The following PPM1L variants were observed in gnomAD, a reference collection of about 807,000 sequenced individuals.
The protein encoded by PPM1L is protein phosphatase 1L.
PPM1L carries 13 observed loss-of-function variants against 31.4 expected under a neutral mutation model. That is an observed-to-expected ratio of 0.41 (90% CI 0.27 to 0.66). The LOEUF is 0.66. Ranked by LOEUF, PPM1L falls within the 30% of genes least tolerant of loss-of-function variation. The pLI is 0.29. For missense variants in PPM1L, 326 were observed against 453.7 expected, an observed-to-expected ratio of 0.72 and a Z score of 2.56; for synonymous variants, 184 against 175.4, an observed-to-expected ratio of 1.05 and a Z score of -0.39.
At position 161,031,238 on chromosome 3, in the gene PPM1L, C is replaced by T. The variant is rs16831789; in HGVS notation, c.575-34165C>T. Among the ~76,000 whole-genome samples, 1,412 of 152,246 alleles carry T rather than the reference C, an allele frequency of 9.3e-3. 22 individuals carry two copies. Among genetic ancestry groups the T allele is most frequent in the African/African-American group, 0.032 (1,344 of 41,532 alleles). ...AGAAAATTCATGAAGATACCACAGG[C>T]GCAAGCTGGAAAGTAGTGGTTATGG... On this transcript the variant is annotated intron_variant, in intron 2 of 3. Transcript: ENST00000498165.
intron 1 of PPM1L, among the ~76,000 whole-genome samples, chr3:160,944,716 TATGTTATATATAAC>T (rs916138181): frequency 3.3e-5 from 4 of 121,920 alleles, no homozygotes; most frequent in East Asian, 4.0e-4. Context: ...ATATAATATA[TATGTTATATATAAC>T]ATGTTATATA....
intron 2 of PPM1L, among the ~76,000 whole-genome samples, chr3:161,015,993 C>A (rs79266922): frequency 6.6e-6 from 1 of 152,092 alleles, no homozygotes; most frequent in Non-Finnish European, 1.5e-5. Flanking sequence ...AGAGATGTGG[C>A]CTGGGTGTTC....
intron 2 of PPM1L, among the ~76,000 whole-genome samples, chr3:160,967,030 T>C (rs1001269239): frequency 3.3e-5 from 5 of 152,080 alleles, no homozygotes; most frequent in African/African-American, 4.8e-5. Flanking sequence ...TCCCCATGTG[T>C]CATAGGAGGG....
At chr3:160,981,734 T>G (rs1716806262) in intron 2 of PPM1L, among the ~76,000 whole-genome samples, 1 of 141,322 alleles carries the variant, frequency 7.1e-6, no homozygotes, top group Admixed American at 6.9e-5. Flanking sequence ...CCTTCTCATT[T>G]TATTTATTTA....
intron 2 of PPM1L, among the ~76,000 whole-genome samples, chr3:160,984,688 C>G (rs1446991010): frequency 6.6e-6 from 1 of 152,172 alleles, no homozygotes; most frequent in Non-Finnish European, 1.5e-5. Context: ...CTTCCTGCAA[C>G]AGGTCTTACT....
chr3:160,924,103 G>A (rs958278214), intron 1 of PPM1L, among the ~76,000 whole-genome samples: 1 of 152,164 alleles, frequency 6.6e-6, no homozygotes, highest in Non-Finnish European at 1.5e-5. Context: ...GTTTCTGTTT[G>A]TTTTAGAAAA....
At chr3:161,049,380 G>A (rs1176069861) in intron 2 of PPM1L, among the ~76,000 whole-genome samples, 1 of 152,120 alleles carries the variant, frequency 6.6e-6, no homozygotes, top group East Asian at 1.9e-4. Flanking sequence ...ATGCTCATTC[G>A]AGCATTTTGG....
intron 1 of PPM1L, among the ~76,000 whole-genome samples, chr3:160,887,715 G>T (rs1473773179): frequency 6.6e-6 from 1 of 151,776 alleles, no homozygotes; most frequent in African/African-American, 2.4e-5. Context: ...CTAGTAGCTG[G>T]GACTATAGGC....
chr3:160,822,251 G>T (rs902538160), intron 1 of PPM1L, among the ~76,000 whole-genome samples: 5 of 151,576 alleles, frequency 3.3e-5, no homozygotes, highest in Admixed American at 2.0e-4. Context: ...AATATTCTTT[G>T]TATGAAGAAA....
chr3:161,017,593 C>T lies in PPM1L; in HGVS notation c.575-47810C>T, dbSNP rs74481540. Reference sequence around the variant, plus strand: ...TTATGCCTATTGTATTACAATTTTTCTAAGCCCAGAATTGTCGTGGGAGGT... The same window carrying T: ...TTATGCCTATTGTATTACAATTTTTTTAAGCCCAGAATTGTCGTGGGAGGT... On this transcript the variant is annotated intron_variant, in intron 2 of 3. Coordinates refer to ENST00000498165, the MANE Select transcript of PPM1L (RefSeq NM_139245.4). Among the ~76,000 whole-genome samples, 58 of 152,274 alleles carry T rather than the reference C, an allele frequency of 3.8e-4. 1 individual carries two copies. In the South Asian group the frequency reaches 0.01, roughly 27 times the overall value.
At chr3:161,010,169 C>T (rs948352302) in intron 2 of PPM1L, among the ~76,000 whole-genome samples, 3 of 151,892 alleles carry the variant, frequency 2.0e-5, no homozygotes, top group African/African-American at 4.8e-5. Flanking sequence ...CACCCCATGA[C>T]AGGCCCCAAT....
intron 2 of PPM1L, among the ~76,000 whole-genome samples, chr3:161,045,799 G>C (rs575643983): frequency 6.6e-6 from 1 of 152,102 alleles, no homozygotes; most frequent in South Asian, 2.1e-4. Flanking sequence ...GATAGATAGA[G>C]ACACAAAAAA....
intron 1 of PPM1L, among the ~76,000 whole-genome samples, chr3:160,757,219 C>A (rs1714834050): frequency 6.6e-6 from 1 of 152,212 alleles, no homozygotes; most frequent in South Asian, 2.1e-4. Flanking sequence ...CGCCTTCACT[C>A]TAGGGAGGAA....
intron 1 of PPM1L, among the ~76,000 whole-genome samples, chr3:160,757,667 A>G (rs1163644434): frequency 1.3e-5 from 2 of 152,240 alleles, no homozygotes; most frequent in Non-Finnish European, 2.9e-5. Flanking sequence ...ACACTGGGCC[A>G]ATCACCCCAT....
rs559568973 is a variant in PPM1L at position 160,797,484 on chromosome 3, G to A, written c.399+40777G>A. On this transcript the variant is annotated intron_variant, in intron 1 of 3. Coordinates refer to ENST00000498165, the MANE Select transcript of PPM1L (RefSeq NM_139245.4). ...GTTCAAGTGAAAGGAAGAATCCCAC[G>A]TCTCTCACTTTAAATCAAAAGCTAG... Among the ~76,000 whole-genome samples the A allele has an allele frequency of 5.3e-5, 8 of 152,224 alleles. No homozygotes were observed. In the South Asian group the frequency reaches 1.7e-3, roughly 32 times the overall value.
At chr3:160,906,567 A>T (rs113587977) in intron 1 of PPM1L, among the ~76,000 whole-genome samples, 1,904 of 151,288 alleles carry the variant, frequency 0.013, 38 homozygotes, top group African/African-American at 0.045. Context: ...ATGCCACTGC[A>T]CTCCAGCCTG....
At chr3:160,863,620 G>A (rs538285257) in intron 1 of PPM1L, among the ~76,000 whole-genome samples, 32 of 152,282 alleles carry the variant, frequency 2.1e-4, no homozygotes, top group Admixed American at 7.8e-4. Context: ...AGTGTGATCC[G>A]AAGTTACTGG....
chr3:160,985,713 A>T (rs1341673698), intron 2 of PPM1L, among the ~76,000 whole-genome samples: 1 of 151,030 alleles, frequency 6.6e-6, no homozygotes, highest in African/African-American at 2.5e-5. Flanking sequence ...TTATTACTTG[A>T]ATAAATATCA....
intron 1 of PPM1L, among the ~76,000 whole-genome samples, chr3:160,865,534 T>C (rs1365486665): frequency 1.3e-5 from 2 of 152,194 alleles, no homozygotes; most frequent in African/African-American, 4.8e-5. Context: ...CCAGCAATTT[T>C]GGGAGGCCAA....
Sources: gnomAD v4.1 joint callset for allele counts (sites outside exome capture counted in the v4.1 genomes callset) on GRCh38, gnomAD v4.1.1 for gene constraint, MANE v1.5 for transcripts, NCBI Gene and HGNC (gene_info 2026-07-23, HGNC 2026-07-21) for gene names.